The following CCSER1 variants were observed in gnomAD, a reference collection of about 807,000 sequenced individuals.
CCSER1 encodes coiled-coil serine rich protein 1.
In CCSER1, 41 loss-of-function variants were observed where a neutral mutation model predicts 82.0. The observed-to-expected ratio is 0.50, with a 90% CI of 0.39 to 0.65. The LOEUF is 0.65. CCSER1 is among the 30% of genes least tolerant of loss of function. CCSER1 has a pLI of 0.00. For missense variants in CCSER1, 1,119 were observed against 1,064.2 expected (o/e 1.05, Z -0.72); for synonymous variants, 414 against 383.9 (o/e 1.08, Z -0.92).
chr4:90,197,436 C>T (rs1269051658), intron 1 of CCSER1, among the ~76,000 whole-genome samples: 1 of 152,086 alleles, frequency 6.6e-6, no homozygotes, highest in South Asian at 2.1e-4. Context: ...TGGGTATATA[C>T]CCCAAAGAAA....
chr4:90,795,363 G>C (rs61378472), intron 7 of CCSER1, among the ~76,000 whole-genome samples: 3 of 151,588 alleles, frequency 2.0e-5, no homozygotes, highest in Admixed American at 2.0e-4. Context: ...AGACTTTGCT[G>C]AAGTTGTTTA....
chr4:90,906,786 G>GT (rs1286789117), intron 8 of CCSER1, among the ~76,000 whole-genome samples: 6 of 151,580 alleles, frequency 4.0e-5, no homozygotes, highest in East Asian at 1.9e-4. Context: ...AAGGGTTCTG[G>GT]TTTTTTTTAA....
chr4:90,375,711 C>G (rs1011011703), intron 3 of CCSER1, among the ~76,000 whole-genome samples: 5 of 152,316 alleles, frequency 3.3e-5, no homozygotes, highest in African/African-American at 9.6e-5. Context: ...TTTTCCACCT[C>G]CCATGCAAAA....
intron 4 of CCSER1, among the ~76,000 whole-genome samples, chr4:90,425,655 C>A (rs1460377074): frequency 1.3e-5 from 2 of 152,190 alleles, no homozygotes; most frequent in East Asian, 3.9e-4. Context: ...ATCATCCATT[C>A]TCTGTATTGT....
chr4:91,037,472 G>A (rs1319943037), intron 9 of CCSER1, among the ~76,000 whole-genome samples: 12 of 152,118 alleles, frequency 7.9e-5, no homozygotes, highest in Admixed American at 7.9e-4. Context: ...GGAGGACAAA[G>A]CAATCTATTT....
chr4:90,552,561 G>A (rs548210484), intron 5 of CCSER1, among the ~76,000 whole-genome samples: 2 of 151,956 alleles, frequency 1.3e-5, no homozygotes, highest in Non-Finnish European at 2.9e-5. Context: ...GGGCTCAAGC[G>A]ATTCTCCCAC....
intron 3 of CCSER1, among the ~76,000 whole-genome samples, chr4:90,392,656 A>G (rs1437414108): frequency 1.3e-5 from 2 of 150,840 alleles, no homozygotes; most frequent in Non-Finnish European, 2.9e-5. Flanking sequence ...TGCAAAATAT[A>G]TGTTTTTGGA....
rs568865296 is a variant in CCSER1, at chr4:90,987,139, G to A, written c.2172+63692G>A. ...GAAAAATACACATGTGAACAAACTG[G>A]TGCTAAAAGAATTTAAGCTTAGTTT... is the stretch of plus-strand genomic sequence containing the variant. On this transcript the variant is annotated intron_variant, in intron 9 of 10. Coordinates refer to ENST00000509176, the MANE Select transcript of CCSER1 (RefSeq NM_001145065.2). 4.0e-5 allele frequency among the ~76,000 whole-genome samples: 6 copies of A among 151,554 alleles called. No individual in the cohort carries two copies. In the South Asian group the frequency reaches 1.2e-3, roughly 32 times the overall value.
intron 6 of CCSER1, among the ~76,000 whole-genome samples, chr4:90,632,431 T>C (rs1724626547): frequency 6.6e-6 from 1 of 151,962 alleles, no homozygotes; most frequent in African/African-American, 2.4e-5. Flanking sequence ...CATATTAATC[T>C]AATCCAGGTT....
intron 8 of CCSER1, among the ~76,000 whole-genome samples, chr4:90,835,621 A>T (rs1474993810): frequency 1.3e-5 from 2 of 149,658 alleles, no homozygotes; most frequent in Non-Finnish European, 3.0e-5. Context: ...GTTGCAAGAC[A>T]TTTTTTTTTT....
At chr4:90,732,447 C>A (rs1744923916) in intron 7 of CCSER1, among the ~76,000 whole-genome samples, 1 of 152,156 alleles carries the variant, frequency 6.6e-6, no homozygotes. Flanking sequence ...AGCAACTCAG[C>A]ACCAAAGGAT....
intron 6 of CCSER1, among the ~76,000 whole-genome samples, chr4:90,709,479 A>T (rs948334270): frequency 6.6e-6 from 1 of 151,930 alleles, no homozygotes; most frequent in African/African-American, 2.4e-5. Flanking sequence ...GTTTTCCCCT[A>T]TATGTCCATG....
At chr4:91,438,892 TGAAATGAAC>T (rs1216480553) in intron 10 of CCSER1, among the ~76,000 whole-genome samples, 6 of 151,830 alleles carry the variant, frequency 4.0e-5, no homozygotes, top group African/African-American at 1.5e-4. Context: ...TGATGGAAGA[TGAAATGAAC>T]GAAATGAAGC....
At position 90,331,792 on chromosome 4, in the gene CCSER1, T is replaced by C. The variant is rs538729587; in HGVS notation, c.1509+18745T>C. The stretch of plus-strand genomic sequence containing the variant: ...ACTACCATGAGCCAGAAACTGGGCA[T>C]TATGTCTTCCAAGAAATGTAAGACA... On this transcript the variant is annotated intron_variant, in intron 3 of 10. Transcript: ENST00000509176. 5.3e-5 allele frequency among the ~76,000 whole-genome samples: 8 copies of C among 151,936 alleles called. No homozygotes were observed. The East Asian group carries it at 1.4e-3, about 26-fold the overall frequency.
chr4:91,140,421 C>A lies in CCSER1; in HGVS notation c.2217+54427C>A, dbSNP rs759680243. ...TAAAACTGTTTTCTAAGCTCTTGGTCTTCCAGATTTAGAATAACTTTTAAA... is the reference window on the plus strand; with the variant it reads ...TAAAACTGTTTTCTAAGCTCTTGGTATTCCAGATTTAGAATAACTTTTAAA... On this transcript the variant is annotated intron_variant, in intron 10 of 10. Coordinates refer to ENST00000509176, the MANE Select transcript of CCSER1 (RefSeq NM_001145065.2). Among the ~76,000 whole-genome samples the A allele has an allele frequency of 2.6e-5, 4 of 151,958 alleles. No homozygotes were observed. In the East Asian group the frequency reaches 7.7e-4, roughly 29 times the overall value.
At chr4:91,035,970 C>G (rs956797279) in intron 9 of CCSER1, among the ~76,000 whole-genome samples, 2 of 152,192 alleles carry the variant, frequency 1.3e-5, no homozygotes, top group African/African-American at 4.8e-5. Context: ...AGTTCTGGCA[C>G]CTGTAAACTG....
intron 10 of CCSER1, among the ~76,000 whole-genome samples, chr4:91,542,665 G>C (rs552919076): frequency 6.6e-6 from 1 of 152,286 alleles, no homozygotes; most frequent in South Asian, 2.1e-4. Context: ...TGGTCTGAGA[G>C]ACAGTTTGTT....
chr4:90,609,191 C>T (rs1159130706), intron 5 of CCSER1, among the ~76,000 whole-genome samples: 1 of 151,754 alleles, frequency 6.6e-6, no homozygotes, highest in East Asian at 1.9e-4. Flanking sequence ...GCATCCCTTA[C>T]TAGATAATAA....
chr4:90,468,378 A>G, intron 5 of CCSER1, 24 bp downstream of exon 5: 1 of 1,588,476 alleles, frequency 6.3e-7, no homozygotes, highest in South Asian at 1.2e-5. Context: ...TTAATTTTTC[A>G]AGGCCTTGTA....
Sources: gnomAD v4.1 joint callset for allele counts (sites outside exome capture counted in the v4.1 genomes callset) on GRCh38, gnomAD v4.1.1 for gene constraint, MANE v1.5 for transcripts, NCBI Gene and HGNC (gene_info 2026-07-23, HGNC 2026-07-21) for gene names.